NCKAP5: variants seen among roughly 807,000 people sequenced by gnomAD.
NCKAP5 encodes nck-associated protein 5.
A neutral mutation model predicts 167.0 loss-of-function variants in NCKAP5; 92 were observed. That is an observed-to-expected ratio of 0.55 (90% CI 0.47 to 0.66). The LOEUF is 0.66. Among genes scored for constraint, NCKAP5 ranks in the 30% least tolerant of loss-of-function variants. The pLI is 0.00. For missense variants in NCKAP5, 2,378 were observed against 2,315.0 expected (o/e 1.03, Z -0.56); for synonymous variants, 891 against 877.4 (o/e 1.02, Z -0.27).
At chr2:133,086,329 C>A (rs907795243) in intron 6 of NCKAP5, among the ~76,000 whole-genome samples, 4 of 152,066 alleles carry the variant, frequency 2.6e-5, no homozygotes, top group African/African-American at 9.7e-5. Context: ...CCTTCTGAAG[C>A]AAAGTAAAAT....
chr2:133,256,971 T>C (rs938722499), intron 4 of NCKAP5, among the ~76,000 whole-genome samples: 2 of 152,148 alleles, frequency 1.3e-5, no homozygotes, highest in Non-Finnish European at 2.9e-5. Flanking sequence ...CTACAGACTG[T>C]AGGACCTACG....
At chr2:133,144,113 G>T (rs796243870) in intron 5 of NCKAP5, among the ~76,000 whole-genome samples, 1 of 152,172 alleles carries the variant, frequency 6.6e-6, no homozygotes, top group African/African-American at 2.4e-5. Context: ...TTGTAATCTT[G>T]TTAGGCCAAG....
chr2:132,879,084 C>A (rs1364384127), intron 8 of NCKAP5, among the ~76,000 whole-genome samples, 168 bp from the exon 9 acceptor site: 1 of 152,162 alleles, frequency 6.6e-6, no homozygotes, highest in African/African-American at 2.4e-5. Flanking sequence ...GCAGGGATGA[C>A]TTCTGTCTTA....
intron 3 of NCKAP5, among the ~76,000 whole-genome samples, chr2:133,426,692 T>G (rs1168916310): frequency 6.6e-6 from 1 of 152,160 alleles, no homozygotes; most frequent in African/African-American, 2.4e-5. Context: ...TCATACCTTA[T>G]TCAAGTATGG....
At chr2:132,747,062 T>C (rs1679707923) in intron 16 of NCKAP5, among the ~76,000 whole-genome samples, 1 of 151,848 alleles carries the variant, frequency 6.6e-6, no homozygotes, top group Admixed American at 6.6e-5. Flanking sequence ...TATACAACTG[T>C]ATACATTTAC....
At chr2:132,855,294 A>G (rs1689378694) in intron 11 of NCKAP5, among the ~76,000 whole-genome samples, 1 of 152,204 alleles carries the variant, frequency 6.6e-6, no homozygotes, top group Admixed American at 6.5e-5. Flanking sequence ...GCCAGTGCCC[A>G]TAATGAAACC....
chr2:132,709,005 T>G (rs370860608), intron 19 of NCKAP5, among the ~76,000 whole-genome samples: 1 of 152,214 alleles, frequency 6.6e-6, no homozygotes, highest in East Asian at 1.9e-4. Flanking sequence ...TTTTAAAAAG[T>G]TTATTATTAC....
intron 16 of NCKAP5, among the ~76,000 whole-genome samples, chr2:132,741,992 C>T (rs1357347246): frequency 6.6e-6 from 1 of 152,028 alleles, no homozygotes; most frequent in East Asian, 1.9e-4. Context: ...CATTACATTC[C>T]CAGATCACAT....
At chr2:133,656,768 CATTATT>C in the NCKAP5 span, among the ~76,000 whole-genome samples, 2 of 152,076 alleles carry the variant, frequency 1.3e-5, no homozygotes, top group African/African-American at 2.4e-5. Context: ...GATTTTATTT[CATTATT>C]ATTATTTTTT....
chr2:133,387,773 C>T, intron 3 of NCKAP5, among the ~76,000 whole-genome samples: 1 of 152,148 alleles, frequency 6.6e-6, no homozygotes, highest in South Asian at 2.1e-4. Flanking sequence ...AATTTCTCTT[C>T]TTGCTTCATT....
At chr2:132,963,646 A>G in intron 8 of NCKAP5, 74 bp downstream of exon 8, 2 of 1,473,732 alleles carry the variant, frequency 1.4e-6, no homozygotes, top group East Asian at 4.5e-5. Context: ...ATACTCACTC[A>G]AAACCAGTGC....
intron 4 of NCKAP5, among the ~76,000 whole-genome samples, chr2:133,239,009 C>T (rs1029542178): frequency 6.6e-6 from 1 of 152,148 alleles, no homozygotes; most frequent in Non-Finnish European, 1.5e-5. Flanking sequence ...GTTATACATA[C>T]AATCCCTAAT....
intron 3 of NCKAP5, among the ~76,000 whole-genome samples, chr2:133,325,544 A>T (rs1393542436): frequency 6.6e-6 from 1 of 152,086 alleles, no homozygotes; most frequent in Non-Finnish European, 1.5e-5. Context: ...AGCCAACCAT[A>T]TACTGGTTTT....
intron 3 of NCKAP5, among the ~76,000 whole-genome samples, chr2:133,515,763 G>A (rs182511841): frequency 2.4e-4 from 37 of 152,324 alleles, no homozygotes; most frequent in African/African-American, 7.9e-4. Context: ...CGATCTGCAA[G>A]TACCTACGAT....
At chr2:133,362,527 AAGTCAGTTTTT>A (rs1347195201) in intron 3 of NCKAP5, among the ~76,000 whole-genome samples, 1 of 152,198 alleles carries the variant, frequency 6.6e-6, no homozygotes, top group Non-Finnish European at 1.5e-5. Context: ...TAGAAGTTAC[AAGTCAGTTTTT>A]AGTCTGGTTA....
rs142278988 is a variant in NCKAP5, at chr2:132,787,463, C to T, written c.1093-1745G>A. On this transcript the variant is annotated intron_variant, in intron 13 of 19. Transcript: ENST00000409261. ...TGGCTACATCAGTCTCCTCCCTGCCCCACACGCTTATGTGCAGTGGTTGAA... is the reference window on the plus strand; with the variant it reads ...TGGCTACATCAGTCTCCTCCCTGCCTCACACGCTTATGTGCAGTGGTTGAA... 3.8e-3 allele frequency among the ~76,000 whole-genome samples: 582 copies of T among 152,234 alleles called. 2 individuals carry two copies. The highest frequency in any genetic ancestry group is 6.9e-3 in the Middle Eastern group (2 of 290).
rs73957105 is a variant in NCKAP5 at position 133,538,821 on chromosome 2, T to C, written c.-62+20229A>G. ...TTACATAGGATGTTGATCTGCATAG[T>C]AGAAGGAAAGACAGTCTGAAAGATA... is the stretch of plus-strand genomic sequence containing the variant. On this transcript the variant is annotated intron_variant, in intron 2 of 19. Transcript: ENST00000409261. 9.9e-3 allele frequency among the ~76,000 whole-genome samples: 1,495 copies of C among 151,518 alleles called. 24 individuals are homozygous for C. The highest frequency in any genetic ancestry group is 0.035 in the African/African-American group (1,435 of 41,238).
rs1337538297 is a variant in NCKAP5 at position 132,998,345 on chromosome 2, C to G, written c.342-4106G>C. ...AAAAATAGGAAAAAGTGGGGGTGGA[C>G]AGGAAATTGTTAAAACAATCTTGAG... On this transcript the variant is annotated intron_variant, in intron 6 of 19. Coordinates refer to ENST00000409261, the MANE Select transcript of NCKAP5 (RefSeq NM_207363.3). Among the ~76,000 whole-genome samples the G allele has an allele frequency of 2.0e-5, 3 of 152,084 alleles. No homozygotes were observed. In the East Asian group the frequency reaches 5.8e-4, roughly 29 times the overall value.
intron 19 of NCKAP5, among the ~76,000 whole-genome samples, chr2:132,704,775 C>T (rs1688197804): frequency 6.6e-6 from 1 of 152,164 alleles, no homozygotes; most frequent in South Asian, 2.1e-4. Flanking sequence ...GTACCACTAA[C>T]AAAACCTAAC....
Sources: allele counts gnomAD v4.1 joint callset (sites outside exome capture counted in the v4.1 genomes callset), GRCh38; gene constraint gnomAD v4.1.1; transcripts MANE v1.5; gene names NCBI Gene and HGNC (gene_info 2026-07-23, HGNC 2026-07-21).